The following RGS7BP variants were observed in gnomAD, a reference collection of about 807,000 sequenced individuals.
RGS7BP encodes regulator of G protein signaling 7 binding protein.
In RGS7BP, 9 loss-of-function variants were observed where a neutral mutation model predicts 31.3. The observed-to-expected ratio is 0.29, with a 90% CI of 0.17 to 0.50. The LOEUF is 0.50. Ranked by LOEUF, RGS7BP falls within the 20% of genes least tolerant of loss-of-function variation. RGS7BP has a pLI of 0.98. For missense variants in RGS7BP, 274 were observed against 322.0 expected (o/e 0.85, Z 1.14); for synonymous variants, 115 against 120.1 (o/e 0.96, Z 0.28).
Position 64,543,638 on chromosome 5 carries a change from C to T in RGS7BP, c.333-32136C>T, listed in dbSNP as rs576681212. ...ATATTATGATTAACACAGCTTAAGTCCAATGTCCAGGTATAACCAATCACC... is the reference window on the plus strand; with the variant it reads ...ATATTATGATTAACACAGCTTAAGTTCAATGTCCAGGTATAACCAATCACC... On this transcript the variant is annotated intron_variant, in intron 2 of 5. Transcript: ENST00000334025. 2.6e-5 allele frequency among the ~76,000 whole-genome samples: 4 copies of T among 152,334 alleles called. No homozygotes were observed. The South Asian group carries it at 8.3e-4, about 32-fold the overall frequency.
chr5:64,515,648 C>T (rs1418778813), intron 2 of RGS7BP, among the ~76,000 whole-genome samples: 1 of 151,668 alleles, frequency 6.6e-6, no homozygotes, highest in Non-Finnish European at 1.5e-5. Context: ...CTTTGCTTTA[C>T]AAGACATGAC....
chr5:64,559,697 G>A (rs924120221), intron 2 of RGS7BP, among the ~76,000 whole-genome samples: 3 of 152,072 alleles, frequency 2.0e-5, no homozygotes, highest in South Asian at 2.1e-4. Context: ...GGAAGTTCTA[G>A]TGGAAGAAAT....
intron 2 of RGS7BP, among the ~76,000 whole-genome samples, chr5:64,535,197 T>G (rs897256546): frequency 2.6e-5 from 4 of 152,180 alleles, no homozygotes; most frequent in Non-Finnish European, 5.9e-5. Context: ...GTGGAGGCAG[T>G]GGCTATTGGC....
intron 2 of RGS7BP, among the ~76,000 whole-genome samples, chr5:64,544,375 A>T (rs1052700364): frequency 2.0e-5 from 3 of 152,034 alleles, no homozygotes; most frequent in African/African-American, 7.2e-5. Context: ...CTAAGATGAG[A>T]CTTGAAGATG....
chr5:64,551,210 A>G (rs1475909512), intron 2 of RGS7BP, among the ~76,000 whole-genome samples: 2 of 151,426 alleles, frequency 1.3e-5, no homozygotes, highest in East Asian at 1.9e-4. Flanking sequence ...ATTACTGTCT[A>G]TAGAAGCATC....
intron 2 of RGS7BP, among the ~76,000 whole-genome samples, chr5:64,547,848 C>G (rs914602943): frequency 3.3e-5 from 5 of 152,066 alleles, no homozygotes; most frequent in African/African-American, 1.2e-4. Flanking sequence ...TTGAATGCTA[C>G]ATTTGAAGTT....
chr5:64,572,994 G>A (rs1476805208), intron 2 of RGS7BP, among the ~76,000 whole-genome samples: 1 of 106,820 alleles, frequency 9.4e-6, no homozygotes, highest in East Asian at 2.8e-4. Context: ...ACAGTCCCCA[G>A]AGTGTGATGT....
intron 2 of RGS7BP, among the ~76,000 whole-genome samples, chr5:64,512,979 TCTG>T (rs1748879792): frequency 6.6e-6 from 1 of 152,264 alleles, no homozygotes; most frequent in African/African-American, 2.4e-5. Context: ...TGTTAAATTC[TCTG>T]CACGCCAAAA....
chr5:64,587,495 C>A (rs550970403), intron 3 of RGS7BP, among the ~76,000 whole-genome samples: 1 of 152,268 alleles, frequency 6.6e-6, no homozygotes, highest in African/African-American at 2.4e-5. Context: ...ATTGCTGGAA[C>A]TGCTGTCAGG....
At chr5:64,554,019 A>T (rs541647584) in intron 2 of RGS7BP, among the ~76,000 whole-genome samples, 158 of 152,218 alleles carry the variant, frequency 1.0e-3, no homozygotes, top group Non-Finnish European at 1.0e-3. Context: ...ACTGAGATAT[A>T]CACATAAAGT....
At chr5:64,603,979 T>C (rs1472432697) in intron 5 of RGS7BP, among the ~76,000 whole-genome samples, 1 of 152,118 alleles carries the variant, frequency 6.6e-6, no homozygotes, top group Non-Finnish European at 1.5e-5. Flanking sequence ...GGGCTTGCCA[T>C]TTGTCTAAGG....
intron 2 of RGS7BP, among the ~76,000 whole-genome samples, chr5:64,558,833 T>C (rs1741984874): frequency 6.6e-6 from 1 of 152,168 alleles, no homozygotes; most frequent in Non-Finnish European, 1.5e-5. Flanking sequence ...ACTCTGAGGG[T>C]ATCTGCCTTA....
chr5:64,524,033 C>A (rs1580394632), intron 2 of RGS7BP, among the ~76,000 whole-genome samples: 1 of 152,102 alleles, frequency 6.6e-6, no homozygotes, highest in Non-Finnish European at 1.5e-5. Context: ...CTAAGTGAGA[C>A]CCTAAGGGGA....
chr5:64,565,874 T>C (rs556647653), intron 2 of RGS7BP, among the ~76,000 whole-genome samples: 8 of 152,186 alleles, frequency 5.3e-5, no homozygotes, highest in Admixed American at 2.6e-4. Context: ...TCTGTCTAGA[T>C]ATATACATCT....
intron 2 of RGS7BP, among the ~76,000 whole-genome samples, chr5:64,553,171 C>CTTTTTTTTTTTTTTT (rs542252038): frequency 8.5e-6 from 1 of 118,236 alleles, no homozygotes; most frequent in Non-Finnish European, 1.7e-5. Flanking sequence ...TTCTTTCTTT[C>CTTTTTTTTTTTTTTT]TTTTTTTTTT....
At chr5:64,592,402 A>C (rs926676250) in intron 3 of RGS7BP, among the ~76,000 whole-genome samples, 7 of 152,160 alleles carry the variant, frequency 4.6e-5, no homozygotes, top group African/African-American at 1.7e-4. Flanking sequence ...CTGTTTCAGG[A>C]TCTTTGAAAT....
intron 2 of RGS7BP, among the ~76,000 whole-genome samples, chr5:64,552,045 A>T (rs1741806942): frequency 1.3e-5 from 2 of 152,192 alleles, no homozygotes. Context: ...GCCTTTATCA[A>T]AATTTTTGAA....
At chr5:64,598,474 T>A (rs1345452993) in intron 5 of RGS7BP, 39 bp downstream of exon 5, 1 of 1,213,678 alleles carries the variant, frequency 8.2e-7, no homozygotes, top group Non-Finnish European at 1.2e-6. Context: ...GAGGATGTTT[T>A]TAATGGGATA....
intron 2 of RGS7BP, among the ~76,000 whole-genome samples, chr5:64,556,826 C>A (rs554472197): frequency 1.3e-5 from 2 of 151,438 alleles, no homozygotes; most frequent in Non-Finnish European, 2.9e-5. Context: ...AAAAAAAAAT[C>A]TCTGTGTGTG....
Sources: gnomAD v4.1 joint callset for allele counts (sites outside exome capture counted in the v4.1 genomes callset) on GRCh38, gnomAD v4.1.1 for gene constraint, MANE v1.5 for transcripts, NCBI Gene and HGNC (gene_info 2026-07-23, HGNC 2026-07-21) for gene names.